The following KLHL1 variants were observed in gnomAD, a reference collection of about 807,000 sequenced individuals.
The protein encoded by KLHL1 is kelch like family member 1.
A neutral mutation model predicts 77.7 loss-of-function variants in KLHL1; 47 were observed. The observed-to-expected ratio is 0.60, with a 90% CI of 0.48 to 0.77. KLHL1 has a LOEUF of 0.77. KLHL1 is among the 30% of genes least tolerant of loss of function. The pLI, the probability that KLHL1 is intolerant of heterozygous loss-of-function variation, is 0.00. For synonymous variants in KLHL1, 360 were observed against 325.2 expected, an observed-to-expected ratio of 1.11 and a Z score of -1.15; for missense variants, 925 against 910.8, an observed-to-expected ratio of 1.02 and a Z score of -0.20.
chr13:69,820,684 C>T (rs1308244775), intron 6 of KLHL1, among the ~76,000 whole-genome samples: 1 of 152,148 alleles, frequency 6.6e-6, no homozygotes, highest in African/African-American at 2.4e-5. Context: ...ACAGGGATGC[C>T]TGTTCAAGGG....
chr13:69,873,339 C>G (rs866663330), intron 5 of KLHL1, among the ~76,000 whole-genome samples: 1 of 152,092 alleles, frequency 6.6e-6, no homozygotes, highest in African/African-American at 2.4e-5. Flanking sequence ...CACAAAATAC[C>G]ACACACTGTA....
At chr13:69,947,126 AC>A (rs1883558209) in intron 3 of KLHL1, among the ~76,000 whole-genome samples, 1 of 149,194 alleles carries the variant, frequency 6.7e-6, no homozygotes, top group South Asian at 2.1e-4. Flanking sequence ...TGTTTCCATC[AC>A]CCCTTGTGAA....
At chr13:69,810,302 T>C (rs893031863) in intron 6 of KLHL1, among the ~76,000 whole-genome samples, 3 of 152,102 alleles carry the variant, frequency 2.0e-5, no homozygotes, top group Non-Finnish European at 4.4e-5. Flanking sequence ...AAAGCAAGTA[T>C]TGATAAATTA....
intron 1 of KLHL1, among the ~76,000 whole-genome samples, chr13:70,090,144 T>A (rs1350516824): frequency 3.3e-5 from 5 of 152,128 alleles, no homozygotes; most frequent in Non-Finnish European, 7.4e-5. Flanking sequence ...AGTCTATTTA[T>A]ATGTTGGAGT....
chr13:69,956,061 ATATATT>A (rs1237289320), intron 3 of KLHL1, among the ~76,000 whole-genome samples: 5 of 111,078 alleles, frequency 4.5e-5, no homozygotes, highest in East Asian at 2.6e-4. Flanking sequence ...ATATATATTT[ATATATT>A]TATTTGATAT....
At chr13:70,045,282 C>CT (rs1566528420) in intron 1 of KLHL1, among the ~76,000 whole-genome samples, 2 of 152,050 alleles carry the variant, frequency 1.3e-5, no homozygotes, top group Non-Finnish European at 2.9e-5. Flanking sequence ...CAAATACATC[C>CT]TTTTTTGCTT....
chr13:69,937,729 C>T (rs952994797), intron 4 of KLHL1, among the ~76,000 whole-genome samples: 6 of 152,010 alleles, frequency 3.9e-5, no homozygotes, highest in African/African-American at 1.2e-4. Context: ...CAAAAGATTT[C>T]GGAATTATTT....
intron 1 of KLHL1, among the ~76,000 whole-genome samples, chr13:69,987,326 G>A (rs1442671117): frequency 1.3e-5 from 2 of 151,938 alleles, no homozygotes; most frequent in Non-Finnish European, 2.9e-5. Context: ...ATACAATAAT[G>A]AAAGAAAACT....
intron 5 of KLHL1, among the ~76,000 whole-genome samples, chr13:69,854,307 C>T (rs1274142314): frequency 6.6e-6 from 1 of 151,880 alleles, no homozygotes; most frequent in African/African-American, 2.4e-5. Flanking sequence ...TGAAGGGGGG[C>T]CAGTGTGTGC....
At chr13:70,061,947 A>T (rs1886899972) in intron 1 of KLHL1, among the ~76,000 whole-genome samples, 1 of 152,186 alleles carries the variant, frequency 6.6e-6, no homozygotes, top group South Asian at 2.1e-4. Context: ...TCATGTTATG[A>T]ACATTCAAGA....
Position 69,796,727 on chromosome 13 carries a change from T to C in KLHL1, c.1639+11A>G, listed in dbSNP as rs1428209225. 8 of 1,564,234 alleles carry C rather than the reference T, an allele frequency of 5.1e-6. No individual in the cohort carries two copies. The highest frequency in any genetic ancestry group is 8.8e-7 in the Non-Finnish European group (1 of 1,135,312). On this transcript the variant is annotated intron_variant, in intron 7 of 10. Coordinates refer to ENST00000377844, the MANE Select transcript of KLHL1 (RefSeq NM_020866.3). The stretch of plus-strand genomic sequence containing the variant: ...GTTTCTAAAAGTAATATCAATAAAG[T>C]AAGATCTTACCTAGACCATGTCTGT...
At chr13:69,792,755 T>C (rs187600989) in intron 7 of KLHL1, among the ~76,000 whole-genome samples, 158 of 152,294 alleles carry the variant, frequency 1.0e-3, no homozygotes, top group African/African-American at 3.7e-3. Flanking sequence ...TTTAAAACAT[T>C]GTGCTACATG....
intron 4 of KLHL1, among the ~76,000 whole-genome samples, chr13:69,910,970 C>T (rs763942391): frequency 5.9e-5 from 9 of 152,002 alleles, no homozygotes; most frequent in Non-Finnish European, 8.8e-5. Context: ...CCTCTATAGG[C>T]AAGAATAATC....
At chr13:70,068,257 C>T (rs1377380371) in intron 1 of KLHL1, among the ~76,000 whole-genome samples, 2 of 151,898 alleles carry the variant, frequency 1.3e-5, no homozygotes, top group African/African-American at 2.4e-5. Context: ...AGGAGAATGG[C>T]GTGAACCCGG....
rs544170981 is a variant in KLHL1, at chr13:69,839,515, A to G, written c.1228-353T>C. On this transcript the variant is annotated intron_variant, in intron 5 of 10. Coordinates refer to ENST00000377844, the MANE Select transcript of KLHL1 (RefSeq NM_020866.3). ...AAACATGTCAGGTGAAAGACATTTA[A>G]TTTATTGAAAATAGACTTCAACAAA... 2.6e-5 allele frequency among the ~76,000 whole-genome samples: 4 copies of G among 152,116 alleles called. No individual in the cohort carries two copies. In the South Asian group the frequency reaches 8.3e-4, roughly 32 times the overall value.
chr13:69,709,101 G>A (rs551530944), intron 9 of KLHL1, among the ~76,000 whole-genome samples: 4 of 152,014 alleles, frequency 2.6e-5, no homozygotes, highest in Non-Finnish European at 5.9e-5. Context: ...AAAATGAGGC[G>A]CTGGTCGAAT....
chr13:69,949,608 C>T (rs79162584), intron 3 of KLHL1, among the ~76,000 whole-genome samples: 3 of 151,690 alleles, frequency 2.0e-5, no homozygotes, highest in Non-Finnish European at 4.4e-5. Context: ...CCTACACTTA[C>T]GGAGGGGGGA....
At chr13:70,034,437 C>CT (rs1250253186) in intron 1 of KLHL1, among the ~76,000 whole-genome samples, 1 of 152,084 alleles carries the variant, frequency 6.6e-6, no homozygotes, top group Non-Finnish European at 1.5e-5. Flanking sequence ...GAGCATGTTG[C>CT]TATTCATTGA....
At chr13:69,764,929 CTTTTTTTTTTTTTTTTTT>C (rs71196263) in intron 7 of KLHL1, among the ~76,000 whole-genome samples, 845 of 39,734 alleles carry the variant, frequency 0.021, 21 homozygotes, top group African/African-American at 0.075. Flanking sequence ...TATATCTTTG[CTTTTTTTTTTTTTTTTTT>C]TTTTTTTTTT....
Sources: allele counts gnomAD v4.1 joint callset (sites outside exome capture counted in the v4.1 genomes callset), GRCh38; gene constraint gnomAD v4.1.1; transcripts MANE v1.5; gene names NCBI Gene and HGNC (gene_info 2026-07-23, HGNC 2026-07-21).